RARS1: variants seen among roughly 807,000 people sequenced by gnomAD.
RARS1 encodes arginine--tRNA ligase, cytoplasmic.
A neutral mutation model predicts 78.7 loss-of-function variants in RARS1; 75 were observed. That is an observed-to-expected ratio of 0.95 (90% confidence interval 0.79 to 1.15). The LOEUF (loss-of-function observed/expected upper bound fraction) is 1.15. Among genes scored for constraint, RARS1 ranks in the 50% most tolerant of loss-of-function variants. RARS1 has a pLI of 0.00. For synonymous variants in RARS1, 273 were observed against 268.2 expected (o/e 1.02, Z -0.18); for missense variants, 787 against 787.5 (o/e 1.00, Z 0.01).
intron 11 of RARS1, among the ~76,000 whole-genome samples, chr5:168,509,298 G>A (rs1758515228): frequency 6.6e-6 from 1 of 152,100 alleles, no homozygotes; most frequent in East Asian, 1.9e-4. Flanking sequence ...TTCTGTATAA[G>A]CAGAATTTTA....
chr5:168,495,461 A>C lies in RARS1; in HGVS notation c.701+25A>C, dbSNP rs757835890. 1.9e-6 allele frequency: 3 copies of C among 1,593,606 alleles called. No homozygotes were observed. In the African/African-American group the frequency reaches 4.0e-5, roughly 21 times the overall value. On this transcript the variant is annotated intron_variant, in intron 6 of 14. Coordinates refer to ENST00000231572, the MANE Select transcript of RARS1 (RefSeq NM_002887.4). Reference sequence around the variant, plus strand: ...GGTATGTGCTCTTGCCTTGCGTACTATTCTCTTTCCTTATTTTCTTGTTTG... The same window carrying C: ...GGTATGTGCTCTTGCCTTGCGTACTCTTCTCTTTCCTTATTTTCTTGTTTG...
In RARS1 at chr5:168,497,319, C is replaced by A; in HGVS notation, c.793C>A (p.Pro265Thr). 1 of 1,586,800 alleles carries A rather than the reference C, an allele frequency of 6.3e-7. No individual in the cohort carries two copies. Among genetic ancestry groups the A allele is most frequent in the Non-Finnish European group, 8.6e-7 (1 of 1,165,554 alleles). ...TCCAGATTATCTAACAGTTTCACCT[C>A]CTATTGGGGATCTTCAGGTCTTTTA... ...KFPDYLTVSP[P>T]IGDLQVFYKE... Residue 265 changes from proline to threonine, a missense_variant, in exon 7 of 15, where the codon CCT (proline) becomes ACT (threonine). Physicochemically the swap from Pro to Thr is conservative, Grantham distance 38 (BLOSUM62 -1). Coordinates refer to ENST00000231572, the MANE Select transcript of RARS1 (RefSeq NM_002887.4).
chr5:168,494,365 T>G, intron 4 of RARS1, 185 bp from the exon 5 acceptor site: 1 of 985,128 alleles, frequency 1.0e-6, no homozygotes, highest in Non-Finnish European at 1.2e-6. Context: ...TTCAGGAGAG[T>G]GGTGAAGGCT....
intron 9 of RARS1, among the ~76,000 whole-genome samples, chr5:168,504,592 C>T (rs1012271185): frequency 1.3e-5 from 2 of 151,310 alleles, no homozygotes; most frequent in Admixed American, 6.6e-5. Flanking sequence ...TTTGGGAGGC[C>T]GAGGCAGGCG....
chr5:168,502,003 TTAAA>T lies in RARS1; in HGVS notation c.960_963del (p.Asn320LysfsTer10). The T allele has an allele frequency of 6.3e-7, 1 of 1,584,838 alleles. No individual in the cohort carries two copies. The highest frequency in any genetic ancestry group is 8.5e-7 in the Non-Finnish European group (1 of 1,169,794). ...TGGCATTTTATTTTCTTCCCTAGAGTTAAATAAAATCTATGATGCATTGGACGTC... is the reference window on the plus strand; with the variant it reads ...TGGCATTTTATTTTCTTCCCTAGAGTTAAAATCTATGATGCATTGGACGTC... On this transcript the variant is annotated frameshift_variant, in exon 9 of 15. Transcript: ENST00000231572. LOFTEE classifies it high-confidence loss of function.
chr5:168,500,566 CT>C, intron 7 of RARS1, 24 bp from the exon 8 acceptor site: 1 of 1,426,430 alleles, frequency 7.0e-7, no homozygotes, highest in African/African-American at 1.5e-5. Flanking sequence ...ACACACCTTA[CT>C]TTTTAAAATA....
At position 168,506,084 on chromosome 5, in the gene RARS1, C is replaced by A. The variant is rs774470913; in HGVS notation, c.1121C>A (p.Thr374Asn). 2.5e-6 allele frequency: 4 copies of A among 1,608,008 alleles called. No homozygotes were observed. Among genetic ancestry groups the A allele is most frequent in the African/African-American group, 2.7e-5 (2 of 74,588 alleles). ...VFVPGCSIPL[T>N]IVKSDGGYTY... is the part of the protein sequence containing the mutation. Reference sequence around the variant, plus strand: ...GTCCCAGGGTGTTCCATACCATTAACCATAGTAAAATCAGATGGAGGTTAT... The same window carrying A: ...GTCCCAGGGTGTTCCATACCATTAAACATAGTAAAATCAGATGGAGGTTAT... Residue 374 changes from threonine (T) to asparagine (N), a missense_variant, in exon 10 of 15, where the codon ACC becomes AAC. Physicochemically the swap from Thr to Asn is moderately conservative, Grantham distance 65. Transcript: ENST00000231572.
chr5:168,504,087 A>C (rs976924448), intron 9 of RARS1, among the ~76,000 whole-genome samples: 6 of 146,310 alleles, frequency 4.1e-5, no homozygotes, highest in African/African-American at 1.3e-4. Flanking sequence ...AAGAATAACG[A>C]GAGAGAGAGA....
At chr5:168,500,430 C>G (rs1030797335) in intron 7 of RARS1, among the ~76,000 whole-genome samples, 161 bp from the exon 8 acceptor site, 1 of 152,172 alleles carries the variant, frequency 6.6e-6, no homozygotes, top group African/African-American at 2.4e-5. Context: ...TTGGCATGTT[C>G]ATTTGTAACA....
rs1302499142 is a variant in RARS1 at position 168,506,777 on chromosome 5, C to G, written c.1292C>G (p.Pro431Arg). The change falls in exon 11 of 15, where the codon CCT (proline) becomes CGT (arginine). Residue 431 changes from proline to arginine, a missense_variant. Coordinates refer to ENST00000231572, the MANE Select transcript of RARS1 (RefSeq NM_002887.4). The stretch of plus-strand genomic sequence containing the variant: ...GCTCAAATGATTGGTTGGTATGACC[C>G]TAAAGTAACTCGAGTCTTCCATGCT... ...AAAQMIGWYD[P>R]KVTRVFHAGF... The G allele has an allele frequency of 1.2e-6, 2 of 1,613,808 alleles. No individual in the cohort carries two copies. Among genetic ancestry groups the G allele is most frequent in the Admixed American group, 3.3e-5 (2 of 59,998 alleles).
At chr5:168,504,986 C>T (rs1235679570) in intron 9 of RARS1, among the ~76,000 whole-genome samples, 1 of 152,166 alleles carries the variant, frequency 6.6e-6, no homozygotes, top group Non-Finnish European at 1.5e-5. Context: ...GAGCAAGACC[C>T]TGTCTGAAAA....
chr5:168,511,536 G>A (rs1185042220), intron 12 of RARS1, among the ~76,000 whole-genome samples: 6 of 152,066 alleles, frequency 3.9e-5, no homozygotes, highest in African/African-American at 9.7e-5. Flanking sequence ...CTGAATCACT[G>A]GTCTAGGCAC....
chr5:168,513,429 C>T (rs1432252546), intron 12 of RARS1, among the ~76,000 whole-genome samples: 2 of 152,070 alleles, frequency 1.3e-5, no homozygotes, highest in Admixed American at 1.3e-4. Flanking sequence ...AAGCAGTTCT[C>T]CTGCCTCAGC....
chr5:168,503,683 C>T (rs1439934314), intron 9 of RARS1, among the ~76,000 whole-genome samples: 1 of 151,946 alleles, frequency 6.6e-6, no homozygotes, highest in African/African-American at 2.4e-5. Flanking sequence ...TGCCTCAGAC[C>T]TGAAATCAAC....
chr5:168,497,548 G>A (rs1284154423), intron 7 of RARS1, among the ~76,000 whole-genome samples, 200 bp downstream of exon 7: 6 of 151,792 alleles, frequency 4.0e-5, no homozygotes, highest in Non-Finnish European at 4.4e-5. Flanking sequence ...TTATAAAGAC[G>A]TTTAATTACC....
chr5:168,487,435 G>A (rs1044522517), intron 1 of RARS1, among the ~76,000 whole-genome samples: 3 of 152,128 alleles, frequency 2.0e-5, no homozygotes, highest in African/African-American at 7.2e-5. Context: ...AGGGATGGTA[G>A]GAAGATAGTT....
intron 7 of RARS1, among the ~76,000 whole-genome samples, chr5:168,498,955 C>CATTCTGTAAGATCCTATCTCAA (rs1435902394): frequency 6.6e-6 from 1 of 151,520 alleles, no homozygotes; most frequent in Non-Finnish European, 1.5e-5. Context: ...GCCTGGGCAA[C>CATTCTGTAAGATCCTATCTCAA]AGAGTGAGAC....
At chr5:168,514,602 G>T (rs1561828335) in intron 12 of RARS1, among the ~76,000 whole-genome samples, 1 of 152,078 alleles carries the variant, frequency 6.6e-6, no homozygotes, top group African/African-American at 2.4e-5. Flanking sequence ...AAAGAATTTT[G>T]TATCTTTCAT....
intron 11 of RARS1, among the ~76,000 whole-genome samples, chr5:168,507,750 A>C (rs975074554): frequency 6.6e-5 from 10 of 152,166 alleles, no homozygotes; most frequent in Non-Finnish European, 1.3e-4. Context: ...ATCAAAAGAC[A>C]CTAGGGGCTA....
Sources: allele counts gnomAD v4.1 joint callset (sites outside exome capture counted in the v4.1 genomes callset), GRCh38; gene constraint gnomAD v4.1.1; transcripts MANE v1.5; gene names NCBI Gene and HGNC (gene_info 2026-07-23, HGNC 2026-07-21).